The following SCARB2 variants were observed in gnomAD, a reference collection of about 807,000 sequenced individuals.
The protein encoded by SCARB2 is lysosome membrane protein 2.
In SCARB2, 29 loss-of-function variants were observed where a neutral mutation model predicts 58.6. That is an observed-to-expected ratio of 0.49 (90% confidence interval 0.37 to 0.67). SCARB2 has a LOEUF of 0.67. SCARB2 is among the 30% of genes least tolerant of loss of function. The pLI, the probability that SCARB2 is intolerant of heterozygous loss-of-function variation, is 0.00. For synonymous variants in SCARB2, 195 were observed against 210.1 expected (o/e 0.93, Z 0.62); for missense variants, 488 against 578.5 (o/e 0.84, Z 1.60).
intron 6 of SCARB2, chr4:76,174,585 G>A: frequency 2.4e-6 from 1 of 412,718 alleles, no homozygotes; most frequent in African/African-American, 2.0e-5. Context: ...ATTTAGAATG[G>A]AGACTCACAT....
intron 2 of SCARB2, among the ~76,000 whole-genome samples, chr4:76,181,611 C>T (rs746542817): frequency 2.6e-5 from 4 of 152,168 alleles, no homozygotes; most frequent in Admixed American, 2.6e-4. Flanking sequence ...GTTGCCCAGG[C>T]TGGAGTGCAG....
At chr4:76,167,222 TAG>T (rs1197503601) in intron 9 of SCARB2, among the ~76,000 whole-genome samples, 1 of 152,094 alleles carries the variant, frequency 6.6e-6, no homozygotes, top group Non-Finnish European at 1.5e-5. Context: ...TCAGTGGGAA[TAG>T]AGAGAGAGGA....
rs554904928 is a variant in SCARB2, at chr4:76,220,657, A to T, written c.-358+13646T>A. On this transcript the variant is annotated intron_variant, in intron 1 of 11. Coordinates refer to the SCARB2 transcript ENST00000638295. Reference sequence around the variant, plus strand: ...GAATGAAGTCCTGATACATGCTACTACAGTGCAGACTTCTTTTCTTTTCTT... The same window carrying T: ...GAATGAAGTCCTGATACATGCTACTTCAGTGCAGACTTCTTTTCTTTTCTT... 2.6e-5 allele frequency among the ~76,000 whole-genome samples: 4 copies of T among 152,300 alleles called. No individual in the cohort carries two copies. The South Asian group carries it at 8.3e-4, about 32-fold the overall frequency.
chr4:76,232,770 G>T (rs1733515276), intron 1 of SCARB2, among the ~76,000 whole-genome samples: 1 of 152,040 alleles, frequency 6.6e-6, no homozygotes, highest in Admixed American at 6.6e-5. Flanking sequence ...TATCAGAAAA[G>T]ACAATTATGA....
At chr4:76,201,073 C>A (rs1055682095) in intron 1 of SCARB2, among the ~76,000 whole-genome samples, 1 of 152,220 alleles carries the variant, frequency 6.6e-6, no homozygotes, top group Admixed American at 6.5e-5. Flanking sequence ...CTGTCGCTGT[C>A]TTTTCCTGGT....
At chr4:76,232,040 A>C (rs1001073248) in intron 1 of SCARB2, among the ~76,000 whole-genome samples, 3 of 152,248 alleles carry the variant, frequency 2.0e-5, no homozygotes, top group Non-Finnish European at 4.4e-5. Flanking sequence ...ATATTGCCAT[A>C]AGTTATGAAT....
upstream of SCARB2, chr4:76,217,578 G>A: frequency 3.8e-6 from 2 of 521,252 alleles, no homozygotes; most frequent in Non-Finnish European, 6.9e-6. Context: ...TGCCTTCCCA[G>A]GAGTGGAAGC....
In SCARB2 at chr4:76,170,064, C is replaced by T. The variant is rs76059298; in HGVS notation, c.995-79G>A. ...AGCTGAATATAAAAGTTCCTGGCCA[C>T]AGCCTGGTTCCTAAAGAAAAACAAA... is the stretch of plus-strand genomic sequence containing the variant. On this transcript the variant is annotated intron_variant, in intron 7 of 11. Coordinates refer to ENST00000264896, the MANE Select transcript of SCARB2 (RefSeq NM_005506.4). 2.5e-3 allele frequency: 3,222 copies of T among 1,284,550 alleles called. 35 individuals are homozygous for T. The highest frequency in any genetic ancestry group is 0.014 in the East Asian group (622 of 43,182). 79.6% of individuals were successfully genotyped at this position (1,284,550 alleles called of 1,614,324 possible).
chr4:76,234,435 G>T (rs6854218), exon 1 of SCARB2: 125,122 of 152,086 alleles, frequency 0.82, 51,784 homozygotes, highest in Middle Eastern at 0.88. Flanking sequence ...AGACAGAATT[G>T]TACTGGGTGA....
chr4:76,231,913 G>A (rs984991455), intron 1 of SCARB2, among the ~76,000 whole-genome samples: 2 of 152,172 alleles, frequency 1.3e-5, no homozygotes, highest in East Asian at 3.8e-4. Context: ...AGTCAAGATT[G>A]ACTCCTTAAA....
In SCARB2 at chr4:76,161,437, C is replaced by T; in HGVS notation, c.*276G>A. ...CACAAAATTCTGGAGCTACCAGCAC[C>T]CAACAACAACAAAATTACTATACAA... On this transcript the variant is annotated 3_prime_UTR_variant, in exon 12 of 12. Transcript: ENST00000264896. The T allele has an allele frequency of 4.0e-6, 2 of 498,992 alleles. No homozygotes were observed. The highest frequency in any genetic ancestry group is 6.7e-5 in the Admixed American group (2 of 30,038). The allele number at this position is 498,992 out of a possible 1,614,324, so 30.9% of individuals were successfully genotyped here. A position where few individuals can be genotyped will look rare whatever the true frequency, so the allele number is the denominator to read the frequency against.
chr4:76,198,618 C>T (rs956387524), intron 1 of SCARB2, among the ~76,000 whole-genome samples: 1 of 152,162 alleles, frequency 6.6e-6, no homozygotes, highest in African/African-American at 2.4e-5. Context: ...CCTCTGTCTC[C>T]CTCCACCCCC....
chr4:76,180,524 T>C (rs1441127688), intron 3 of SCARB2: 1 of 155,614 alleles, frequency 6.4e-6, no homozygotes, highest in Non-Finnish European at 1.4e-5. Flanking sequence ...ATTTCTGGTG[T>C]CAATTTATGA....
chr4:76,187,751 GT>G (rs2109954381), intron 2 of SCARB2, among the ~76,000 whole-genome samples: 1 of 152,214 alleles, frequency 6.6e-6, no homozygotes, highest in Non-Finnish European at 1.5e-5. Flanking sequence ...TGGATTAGTA[GT>G]TTTTGTTCAA....
chr4:76,208,661 G>T (rs1209489757), intron 1 of SCARB2, among the ~76,000 whole-genome samples: 2 of 152,172 alleles, frequency 1.3e-5, no homozygotes, highest in Non-Finnish European at 2.9e-5. Context: ...ACTTTCGGTT[G>T]TCCTCTCAGG....
At chr4:76,219,811 G>A (rs540738338) in intron 1 of SCARB2, among the ~76,000 whole-genome samples, 4 of 152,096 alleles carry the variant, frequency 2.6e-5, no homozygotes, top group South Asian at 4.2e-4. Flanking sequence ...CCTGGTCCCC[G>A]CATGACTTCT....
At chr4:76,204,917 T>C (rs1437984862) in intron 1 of SCARB2, among the ~76,000 whole-genome samples, 2 of 152,166 alleles carry the variant, frequency 1.3e-5, no homozygotes, top group Non-Finnish European at 2.9e-5. Context: ...ATCCTTAAAA[T>C]GGGAATTGTG....
chr4:76,215,656 C>A (rs1169942803), upstream of SCARB2, among the ~76,000 whole-genome samples: 1 of 152,148 alleles, frequency 6.6e-6, no homozygotes, highest in Admixed American at 6.5e-5. Context: ...TGCCTTGCAA[C>A]TTCTGCTGGG....
At chr4:76,224,637 A>G (rs1378174936) in intron 1 of SCARB2, among the ~76,000 whole-genome samples, 1 of 152,190 alleles carries the variant, frequency 6.6e-6, no homozygotes, top group Non-Finnish European at 1.5e-5. Context: ...ATTTTGGTTC[A>G]CTGCAACCTC....
Sources: gnomAD v4.1 joint callset for allele counts (sites outside exome capture counted in the v4.1 genomes callset) on GRCh38, gnomAD v4.1.1 for gene constraint, MANE v1.5 for transcripts, NCBI Gene and HGNC (gene_info 2026-07-23, HGNC 2026-07-21) for gene names.